FAM151B: variants seen among roughly 807,000 people sequenced by gnomAD.
The protein encoded by FAM151B is protein FAM151B.
Under a neutral mutation model 31.2 loss-of-function variants are expected in FAM151B, and 24 were observed. The observed-to-expected ratio is 0.77, with a 90% confidence interval of 0.56 to 1.08. The LOEUF (loss-of-function observed/expected upper bound fraction) is 1.08. Ranked by LOEUF, FAM151B falls within the 50% of genes least tolerant of loss-of-function variation. The pLI is 0.00. For synonymous variants in FAM151B, 105 were observed against 111.4 expected (o/e 0.94, Z 0.36); for missense variants, 293 against 328.6 (o/e 0.89, Z 0.84).
chr5:80,491,414 G>A (rs759516185), intron 1 of FAM151B, among the ~76,000 whole-genome samples: 1 of 152,070 alleles, frequency 6.6e-6, no homozygotes, highest in Non-Finnish European at 1.5e-5. Context: ...GTAGAGACAA[G>A]GTCTTGCTTC....
intron 1 of FAM151B, among the ~76,000 whole-genome samples, chr5:80,495,830 CAAAAAAAAAAAAAA>C (rs3072031): frequency 1.1e-5 from 1 of 88,104 alleles, no homozygotes; most frequent in Non-Finnish European, 2.0e-5. Flanking sequence ...GACTCCGTCT[CAAAAAAAAAAAAAA>C]AAAAAAAAAA....
Position 80,531,988 on chromosome 5 carries a change from A to G in FAM151B, c.672-9685A>G, listed in dbSNP as rs544581544. On this transcript the variant is annotated intron_variant, in intron 5 of 5. Coordinates refer to ENST00000282226, the MANE Select transcript of FAM151B (RefSeq NM_205548.3). ...AATAGCAAAGACTTGGAACCAACCC[A>G]AATGTCCATCAATGATAGACTGGAT... Among the ~76,000 whole-genome samples, 21 of 151,810 alleles carry G rather than the reference A, an allele frequency of 1.4e-4. No individual in the cohort carries two copies. The South Asian group carries it at 4.0e-3, about 29-fold the overall frequency.
intron 5 of FAM151B, among the ~76,000 whole-genome samples, chr5:80,535,848 G>A (rs1446011262): frequency 1.3e-5 from 2 of 151,872 alleles, no homozygotes; most frequent in South Asian, 2.1e-4. Flanking sequence ...ATCTAACAAG[G>A]GATTAATAAC....
intron 1 of FAM151B, chr5:80,499,894 T>C (rs1199340739): frequency 6.6e-6 from 1 of 151,940 alleles, no homozygotes; most frequent in Non-Finnish European, 1.5e-5. Flanking sequence ...GCAATCCCTT[T>C]TCCGGGCACA....
At chr5:80,521,871 C>A (rs1224099910) in intron 4 of FAM151B, 132 bp from the exon 5 acceptor site, 19 of 559,542 alleles carry the variant, frequency 3.4e-5, no homozygotes, top group Non-Finnish European at 5.4e-5. Flanking sequence ...GACTTAGAAT[C>A]CAAATGGAAA....
chr5:80,538,570 T>TTCCTTCCTTCCC, intron 5 of FAM151B, among the ~76,000 whole-genome samples: 1 of 118,780 alleles, frequency 8.4e-6, no homozygotes, highest in Non-Finnish European at 1.8e-5. Context: ...CCTTCCTTCC[T>TTCCTTCCTTCCC]TCCCTCCCTT....
chr5:80,523,815 C>T (rs1744828577), intron 5 of FAM151B, among the ~76,000 whole-genome samples: 1 of 152,102 alleles, frequency 6.6e-6, no homozygotes, highest in East Asian at 1.9e-4. Context: ...GAATCAGTGG[C>T]TGCTAGCATT....
In FAM151B at chr5:80,542,315, A is replaced by G. The variant is rs1745933113; in HGVS notation, c.*483A>G. ...GGGTCAGCAGCTGTCTCATATCAAGATCTATTAATCCATTTCCTGAAACTG... is the reference window on the plus strand; with the variant it reads ...GGGTCAGCAGCTGTCTCATATCAAGGTCTATTAATCCATTTCCTGAAACTG... On this transcript the variant is annotated 3_prime_UTR_variant, in exon 6 of 6. Coordinates refer to ENST00000282226, the MANE Select transcript of FAM151B (RefSeq NM_205548.3). 6.5e-6 allele frequency: 1 copy of G among 153,208 alleles called. No homozygotes were observed. The highest frequency in any genetic ancestry group is 1.5e-5 in the Non-Finnish European group (1 of 68,868). The allele number at this position is 153,208 out of a possible 1,614,324, so 9.5% of individuals were successfully genotyped here. A position where few individuals can be genotyped will look rare whatever the true frequency, so the allele number is the denominator to read the frequency against.
intron 1 of FAM151B, among the ~76,000 whole-genome samples, chr5:80,490,132 G>A (rs982150656): frequency 2.0e-5 from 3 of 151,938 alleles, no homozygotes; most frequent in Admixed American, 1.3e-4. Context: ...GGTGGTTTAC[G>A]CCTGTAATCT....
At chr5:80,539,881 C>T (rs987654427) in intron 5 of FAM151B, among the ~76,000 whole-genome samples, 1 of 151,966 alleles carries the variant, frequency 6.6e-6, no homozygotes, top group Admixed American at 6.6e-5. Context: ...CAAAAACTAC[C>T]ACATCTCCTT....
At chr5:80,518,879 C>T (rs938382840) in intron 3 of FAM151B, 2 of 152,222 alleles carry the variant, frequency 1.3e-5, no homozygotes, top group African/African-American at 4.8e-5. Flanking sequence ...GTTCTCCCCT[C>T]CAGTATCCAT....
chr5:80,521,200 C>G (rs1744698785), intron 4 of FAM151B, among the ~76,000 whole-genome samples: 1 of 146,612 alleles, frequency 6.8e-6, no homozygotes, highest in Non-Finnish European at 1.5e-5. Flanking sequence ...TCATGGCTCA[C>G]TGCACCTTCA....
chr5:80,500,627 G>C (rs565527144), intron 1 of FAM151B: 11 of 762,104 alleles, frequency 1.4e-5, no homozygotes, highest in South Asian at 2.7e-5. Flanking sequence ...AGGTGTCAGT[G>C]GTGTGAGCCC....
At chr5:80,538,372 T>C (rs964521234) in intron 5 of FAM151B, among the ~76,000 whole-genome samples, 4 of 111,632 alleles carry the variant, frequency 3.6e-5, no homozygotes, top group Non-Finnish European at 4.0e-5. Context: ...CAGCCTTTCT[T>C]TTTCTTTCTT....
chr5:80,524,951 G>C (rs1744893762), intron 5 of FAM151B, among the ~76,000 whole-genome samples: 1 of 152,138 alleles, frequency 6.6e-6, no homozygotes, highest in Non-Finnish European at 1.5e-5. Context: ...TTAATAAATA[G>C]TTGTTAAATG....
intron 1 of FAM151B, among the ~76,000 whole-genome samples, chr5:80,495,694 G>A (rs1212306404): frequency 6.6e-6 from 1 of 152,046 alleles, no homozygotes; most frequent in Non-Finnish European, 1.5e-5. Flanking sequence ...GCCGGGCGTG[G>A]TGGCGGACGC....
chr5:80,519,881 C>T lies in FAM151B; in HGVS notation c.506C>T (p.Thr169Ile). 1 of 1,614,084 alleles carries T rather than the reference C, an allele frequency of 6.2e-7. No individual in the cohort carries two copies. Among genetic ancestry groups the T allele is most frequent in the Non-Finnish European group, 8.5e-7 (1 of 1,179,974 alleles). Residue 169 changes from threonine to isoleucine, a missense_variant, in exon 4 of 6, where the codon ACA (threonine) becomes ATA (isoleucine). Physicochemically the swap from Thr to Ile is moderately conservative, Grantham distance 89. Transcript: ENST00000282226. ...GTGACGTTTTCCCTGGGTTGGACAA[C>T]AGGATGGCATCCTGAGAAAGTCAAT... ...PDVTFSLGWT[T>I]GWHPEKVNEG...
rs1743187540 is a variant in FAM151B at position 80,488,276 on chromosome 5, C to T, written c.25+128C>T. ...GACCTGGGAGCGCGCCGCGCAGAACCGGGCGGCTGGGCTTGGAGCCCGCTC... is the reference window on the plus strand; with the variant it reads ...GACCTGGGAGCGCGCCGCGCAGAACTGGGCGGCTGGGCTTGGAGCCCGCTC... On this transcript the variant is annotated intron_variant, in intron 1 of 5. Transcript: ENST00000282226. The T allele has an allele frequency of 1.1e-5, 14 of 1,222,158 alleles. 1 individual carries two copies. The highest frequency in any genetic ancestry group is 1.5e-5 in the Non-Finnish European group (14 of 913,944). The allele number at this position is 1,222,158 out of a possible 1,614,324, so 75.7% of individuals were successfully genotyped here. A position where few individuals can be genotyped will look rare whatever the true frequency, so the allele number is the denominator to read the frequency against.
chr5:80,491,708 A>T (rs2112593348), intron 1 of FAM151B, among the ~76,000 whole-genome samples: 1 of 152,212 alleles, frequency 6.6e-6, no homozygotes. Context: ...GATGTCCCAA[A>T]TGTGAGACTG....
Sources: allele counts gnomAD v4.1 joint callset (sites outside exome capture counted in the v4.1 genomes callset), GRCh38; gene constraint gnomAD v4.1.1; transcripts MANE v1.5; gene names NCBI Gene and HGNC (gene_info 2026-07-23, HGNC 2026-07-21).